The following AMTN variants were observed in gnomAD, a reference collection of about 807,000 sequenced individuals.
The protein encoded by AMTN is amelotin, also known as RSTI689.
AMTN carries 29 observed loss-of-function variants against 27.4 expected under a neutral mutation model. The ratio of observed to expected loss-of-function variants is 1.06; its 90% CI spans 0.79 to 1.44. The LOEUF (loss-of-function observed/expected upper bound fraction) is 1.44. Among genes scored for constraint, AMTN ranks in the 40% most tolerant of loss-of-function variants. The probability of loss-of-function intolerance (pLI) is 0.00; values close to 1 mark genes in which losing one functional copy is unlikely to be tolerated. For missense variants in AMTN, 247 were observed against 248.8 expected, an observed-to-expected ratio of 0.99 and a Z score of 0.05; for synonymous variants, 86 against 95.7, an observed-to-expected ratio of 0.90 and a Z score of 0.59.
At position 70,528,771 on chromosome 4, in the gene AMTN, C is replaced by T. The variant is rs1309733660; in HGVS notation, c.330+13C>T. On this transcript the variant is annotated intron_variant, in intron 6 of 8. Coordinates refer to ENST00000339336, the MANE Select transcript of AMTN (RefSeq NM_212557.4). ...ACTTGGAGCCCAGGTAAAAATTATGCTTAATATTGTCTTGATTTTAAATCA... is the reference window on the plus strand; with the variant it reads ...ACTTGGAGCCCAGGTAAAAATTATGTTTAATATTGTCTTGATTTTAAATCA... 11 of 1,581,730 alleles carry T rather than the reference C, an allele frequency of 7.0e-6. No individual in the cohort carries two copies. The highest frequency in any genetic ancestry group is 1.8e-4 in the Middle Eastern group (1 of 5,712).
In AMTN at chr4:70,527,627, G is replaced by A. The variant is rs1055235368; in HGVS notation, c.295-1096G>A. 2.0e-5 allele frequency among the ~76,000 whole-genome samples: 3 copies of A among 152,150 alleles called. 1 individual carries two copies. Among genetic ancestry groups the A allele is most frequent in the African/African-American group, 7.2e-5 (3 of 41,418 alleles). On this transcript the variant is annotated intron_variant, in intron 5 of 8. Coordinates refer to ENST00000339336, the MANE Select transcript of AMTN (RefSeq NM_212557.4). Reference sequence around the variant, plus strand: ...GCACCAACTGTCTTGGGAAACAATAGTTAACAGTCTATTTCATAAGACTTT... The same window carrying A: ...GCACCAACTGTCTTGGGAAACAATAATTAACAGTCTATTTCATAAGACTTT...
chr4:70,531,942 C>T (rs950051690), intron 8 of AMTN, among the ~76,000 whole-genome samples: 8 of 152,234 alleles, frequency 5.3e-5, no homozygotes, highest in Admixed American at 2.0e-4. Context: ...AGGCATGAGC[C>T]GCCATGACTG....
chr4:70,531,387 A>C lies in AMTN; in HGVS notation c.619+87A>C, dbSNP rs563382296. On this transcript the variant is annotated intron_variant, in intron 8 of 8. Transcript: ENST00000339336. ...GAGGAGTTCTTTGTCTTGCCTTGAC[A>C]AATGCAGATCTTAGTAAGATTAGGA... The C allele has an allele frequency of 1.9e-4, 289 of 1,534,138 alleles. 1 individual carries two copies. In the Admixed American group the frequency reaches 4.8e-3, roughly 26 times the overall value.
intron 2 of AMTN, among the ~76,000 whole-genome samples, chr4:70,522,443 T>A (rs1577932209): frequency 6.6e-6 from 1 of 152,112 alleles, no homozygotes; most frequent in Non-Finnish European, 1.5e-5. Context: ...ACAGATTATA[T>A]ATTCATGTCC....
chr4:70,520,898 C>T (rs1297054098), intron 2 of AMTN, among the ~76,000 whole-genome samples: 1 of 152,058 alleles, frequency 6.6e-6, no homozygotes, highest in Non-Finnish European at 1.5e-5. Flanking sequence ...ACATTCCAGA[C>T]AGAGGGAACA....
chr4:70,521,959 C>T (rs1735980350), intron 2 of AMTN, among the ~76,000 whole-genome samples: 1 of 152,076 alleles, frequency 6.6e-6, no homozygotes, highest in Non-Finnish European at 1.5e-5. Flanking sequence ...GAAATTCCAG[C>T]GTGAAACCAA....
intron 4 of AMTN, 66 bp downstream of exon 4, chr4:70,523,999 G>T (rs932783642): frequency 8.8e-6 from 12 of 1,358,034 alleles, no homozygotes; most frequent in African/African-American, 1.4e-5. Context: ...ATATTACAGT[G>T]GGGGGAGCAT....
intron 7 of AMTN, among the ~76,000 whole-genome samples, chr4:70,530,466 C>T (rs1182177502): frequency 6.6e-6 from 1 of 152,174 alleles, no homozygotes; most frequent in Non-Finnish European, 1.5e-5. Flanking sequence ...GTTTCCCAAA[C>T]TTCATTCCTT....
At chr4:70,526,896 C>T (rs1490422460) in intron 5 of AMTN, among the ~76,000 whole-genome samples, 1 of 152,136 alleles carries the variant, frequency 6.6e-6, no homozygotes, top group Admixed American at 6.5e-5. Flanking sequence ...CCTGACCTTC[C>T]CCTGGGCAGC....
chr4:70,528,864 G>A, intron 6 of AMTN, 106 bp downstream of exon 6: 2 of 944,866 alleles, frequency 2.1e-6, no homozygotes, highest in South Asian at 1.8e-5. Flanking sequence ...AATGTACTTT[G>A]TACTGTATGG....
intron 7 of AMTN, among the ~76,000 whole-genome samples, chr4:70,529,775 T>C (rs56040635): frequency 0.033 from 4,991 of 152,230 alleles, 243 homozygotes; most frequent in African/African-American, 0.1. Context: ...ATTAACATGA[T>C]ATCTAAACAT....
At chr4:70,530,995 G>T in intron 7 of AMTN, 44 bp from the exon 8 acceptor site, 1 of 1,606,164 alleles carries the variant, frequency 6.2e-7, no homozygotes, top group Non-Finnish European at 8.5e-7. Context: ...AAAAGAAAAT[G>T]TGTTGCTTTT....
chr4:70,522,767 G>A lies in AMTN; in HGVS notation c.67G>A (p.Ala23Thr). Residue 23 changes from alanine (A) to threonine (T), a missense_variant, in exon 3 of 9, where the codon GCT (alanine) becomes ACT (threonine). Coordinates refer to ENST00000339336, the MANE Select transcript of AMTN (RefSeq NM_212557.4). ...STRSLPQLKP[A>T]LGLPPTKLAP... The stretch of plus-strand genomic sequence containing the variant: ...GTTTTCACAAAAGCAGCTCAAACCT[G>A]CTTTGGGACTCCCTCCCACAAAACT... 1 of 1,613,980 alleles carries A rather than the reference G, an allele frequency of 6.2e-7. No homozygotes were observed. Among genetic ancestry groups the A allele is most frequent in the Non-Finnish European group, 8.5e-7 (1 of 1,179,904 alleles).
intron 5 of AMTN, among the ~76,000 whole-genome samples, chr4:70,525,646 A>G (rs1210274740): frequency 6.6e-6 from 1 of 152,244 alleles, no homozygotes; most frequent in African/African-American, 2.4e-5. Flanking sequence ...CTGTAATCCC[A>G]GCACTTTGGA....
At chr4:70,532,193 A>G (rs1736240264) in intron 8 of AMTN, among the ~76,000 whole-genome samples, 1 of 152,232 alleles carries the variant, frequency 6.6e-6, no homozygotes, top group Non-Finnish European at 1.5e-5. Flanking sequence ...AGGCACTAGT[A>G]ATAGCTAGCA....
At chr4:70,526,334 G>T (rs1158356001) in intron 5 of AMTN, among the ~76,000 whole-genome samples, 6 of 152,024 alleles carry the variant, frequency 3.9e-5, no homozygotes, top group Non-Finnish European at 8.8e-5. Context: ...TCACAATGTT[G>T]TTTTTAATGA....
At chr4:70,524,431 T>C (rs17676565) in intron 4 of AMTN, among the ~76,000 whole-genome samples, 27,566 of 152,204 alleles carry the variant, frequency 0.18, 2,818 homozygotes, top group African/African-American at 0.26. Context: ...ATTTTTTTAG[T>C]GGTCAAATTT....
At position 70,529,068 on chromosome 4, in the gene AMTN, A is replaced by G. The variant is rs189731410; in HGVS notation, c.331-116A>G. 1.2e-4 allele frequency: 118 copies of G among 993,150 alleles called. 1 individual carries two copies. The East Asian group carries it at 3.5e-3, about 29-fold the overall frequency. 61.5% of individuals were successfully genotyped at this position (993,150 alleles called of 1,614,324 possible). On this transcript the variant is annotated intron_variant, in intron 6 of 8. Transcript: ENST00000339336. ...AAGGCAGTTTAACATATTATTGGAA[A>G]GGCAAAATCTGTATAATCTTTGAAA...
intron 4 of AMTN, 32 bp from the exon 5 acceptor site, chr4:70,524,840 A>T (rs758087130): frequency 1.9e-6 from 3 of 1,600,590 alleles, no homozygotes; most frequent in African/African-American, 2.7e-5. Flanking sequence ...CTGAAAAAAA[A>T]TACAATGAAA....
Sources: allele counts gnomAD v4.1 joint callset (sites outside exome capture counted in the v4.1 genomes callset), GRCh38; gene constraint gnomAD v4.1.1; transcripts MANE v1.5; gene names NCBI Gene and HGNC (gene_info 2026-07-23, HGNC 2026-07-21).